Variants in INTU observed in about 807,000 individuals in gnomAD.
The protein encoded by INTU is inturned planar cell polarity protein, also known as protein inturned.
INTU carries 68 observed loss-of-function variants against 100.5 expected under a neutral mutation model. That is an observed-to-expected ratio of 0.68 (90% CI 0.56 to 0.83). INTU has a LOEUF of 0.83. Ranked by LOEUF, INTU falls within the 40% of genes least tolerant of loss-of-function variation. The probability of loss-of-function intolerance (pLI) is 0.00; values close to 1 mark genes in which losing one functional copy is unlikely to be tolerated. For synonymous variants in INTU, 357 were observed against 395.7 expected (o/e 0.90, Z 1.16); for missense variants, 1,071 against 1,114.7 (o/e 0.96, Z 0.56).
chr4:127,708,375 G>T (rs1310405799), intron 12 of INTU, among the ~76,000 whole-genome samples, 196 bp from the exon 13 acceptor site: 1 of 152,108 alleles, frequency 6.6e-6, no homozygotes, highest in Non-Finnish European at 1.5e-5. Context: ...ACACCATCAT[G>T]CCCTCCCAGG....
intron 2 of INTU, among the ~76,000 whole-genome samples, chr4:127,649,039 G>A (rs1727712332): frequency 6.6e-6 from 1 of 151,958 alleles, no homozygotes; most frequent in Non-Finnish European, 1.5e-5. Context: ...TGCTTACTCT[G>A]CACTTAACCC....
chr4:127,679,955 G>A (rs943883436), intron 6 of INTU, among the ~76,000 whole-genome samples: 76 of 152,112 alleles, frequency 5.0e-4, no homozygotes, highest in Admixed American at 1.2e-3. Context: ...ACAAACTACC[G>A]TCAGAGAATA....
chr4:127,634,117 A>G (rs752677343), intron 1 of INTU, among the ~76,000 whole-genome samples: 16 of 152,252 alleles, frequency 1.1e-4, no homozygotes, highest in Non-Finnish European at 2.2e-4. Context: ...ACCTATCAGT[A>G]TGTAAAAGAT....
intron 3 of INTU, among the ~76,000 whole-genome samples, chr4:127,659,313 T>C (rs1728370353): frequency 6.6e-6 from 1 of 151,690 alleles, no homozygotes; most frequent in Admixed American, 6.6e-5. Flanking sequence ...GCCAAGAAAC[T>C]TAAAAAATAC....
intron 6 of INTU, among the ~76,000 whole-genome samples, chr4:127,682,532 G>GA (rs1475506485): frequency 6.8e-6 from 1 of 147,018 alleles, no homozygotes; most frequent in East Asian, 2.0e-4. Context: ...ACTCATAGGT[G>GA]GGAATTGAAC....
chr4:127,679,931 G>T (rs966374217), intron 6 of INTU, among the ~76,000 whole-genome samples: 1 of 152,082 alleles, frequency 6.6e-6, no homozygotes, highest in Non-Finnish European at 1.5e-5. Context: ...TATCACCACC[G>T]ATCCCACAGA....
At chr4:127,693,016 A>T (rs942678233) in intron 8 of INTU, among the ~76,000 whole-genome samples, 1 of 152,080 alleles carries the variant, frequency 6.6e-6, no homozygotes. Context: ...GGGTAATGAG[A>T]TGCCTCCAGA....
chr4:127,635,054 A>G (rs1370028309), intron 1 of INTU, among the ~76,000 whole-genome samples: 2 of 152,222 alleles, frequency 1.3e-5, no homozygotes, highest in East Asian at 1.9e-4. Flanking sequence ...ATTGACTCAC[A>G]TAAAGTATCC....
At chr4:127,666,018 A>G (rs1728681326) in intron 4 of INTU, among the ~76,000 whole-genome samples, 1 of 152,156 alleles carries the variant, frequency 6.6e-6, no homozygotes, top group African/African-American at 2.4e-5. Flanking sequence ...TAAGAAGTCT[A>G]CTGTCAGTCT....
intron 2 of INTU, among the ~76,000 whole-genome samples, chr4:127,645,684 C>T (rs1470267655): frequency 6.6e-6 from 1 of 152,070 alleles, no homozygotes; most frequent in Non-Finnish European, 1.5e-5. Flanking sequence ...CCTCAGCCTC[C>T]TGAGTAGTTG....
intron 2 of INTU, among the ~76,000 whole-genome samples, chr4:127,650,939 T>A (rs530695809): frequency 1.3e-5 from 2 of 152,364 alleles, no homozygotes; most frequent in East Asian, 1.9e-4. Flanking sequence ...GGTATCTCAT[T>A]GTGGTTTTGA....
rs752265174 is a variant in INTU, at chr4:127,706,490, CATT to C, written c.1795_1797del (p.Tyr599del). On this transcript the variant is annotated inframe_deletion, in exon 12 of 16. Transcript: ENST00000335251. ...TTTGTAATTTTTTTCCCTATAGAAA[CATT>C]ATATGCTATGTGTACTATTAGAAGC... The C allele has an allele frequency of 6.2e-7, 1 of 1,601,846 alleles. No individual in the cohort carries two copies. The highest frequency in any genetic ancestry group is 1.1e-5 in the South Asian group (1 of 89,170).
At chr4:127,682,175 C>T (rs534539851) in intron 6 of INTU, among the ~76,000 whole-genome samples, 117 of 152,160 alleles carry the variant, frequency 7.7e-4, no homozygotes, top group African/African-American at 2.8e-3. Flanking sequence ...ACTAGTTCAG[C>T]CCTTGTGGAA....
rs749742061 is a variant in INTU at position 127,714,036 on chromosome 4, C to G, written c.2660C>G (p.Pro887Arg). 7 of 1,613,552 alleles carry G rather than the reference C, an allele frequency of 4.3e-6. No homozygotes were observed. Among genetic ancestry groups the G allele is most frequent in the Non-Finnish European group, 5.9e-6 (7 of 1,179,798 alleles). ...KEHGVLFECS[P>R]GNWTDQKKAP... ...CATGGTGTGTTGTTTGAATGTTCAC[C>G]TGGAAACTGGACTGATCAGAAAAAA... The change falls in exon 15 of 16, where the codon CCT becomes CGT. Residue 887 changes from proline to arginine, a missense_variant. Pro to Arg is a moderately radical substitution (Grantham distance 103, BLOSUM62 -2). Transcript: ENST00000335251.
chr4:127,684,237 G>C (rs993211442), intron 6 of INTU, among the ~76,000 whole-genome samples, 172 bp from the exon 7 acceptor site: 2 of 152,048 alleles, frequency 1.3e-5, no homozygotes, highest in African/African-American at 4.8e-5. Flanking sequence ...ACTAAATCTA[G>C]AATAAAGTGA....
chr4:127,701,026 A>G (rs2148726583), intron 9 of INTU, among the ~76,000 whole-genome samples: 1 of 152,278 alleles, frequency 6.6e-6, no homozygotes, highest in Non-Finnish European at 1.5e-5. Flanking sequence ...TAATGGATCT[A>G]GGCAATGGTC....
chr4:127,677,293 C>A (rs982990891), intron 6 of INTU, among the ~76,000 whole-genome samples: 1 of 152,070 alleles, frequency 6.6e-6, no homozygotes, highest in African/African-American at 2.4e-5. Context: ...GGGCAGACTG[C>A]CTCCTCAAGT....
rs1578635987 is a variant in INTU at position 127,708,442 on chromosome 4, C to A, written c.2272-129C>A. ...TAAGCCAAGAGGTACAAGTTAGCAT[C>A]AAAAATATTTAAAGGAAGCATTGCA... On this transcript the variant is annotated intron_variant, in intron 12 of 15. Coordinates refer to ENST00000335251, the MANE Select transcript of INTU (RefSeq NM_015693.4). 1.5e-5 allele frequency: 9 copies of A among 592,944 alleles called. No individual in the cohort carries two copies. The East Asian group carries it at 2.7e-4, about 18-fold the overall frequency. The allele number at this position is 592,944 out of a possible 1,614,324, so 36.7% of individuals were successfully genotyped here. A position where few individuals can be genotyped will look rare whatever the true frequency, so the allele number is the denominator to read the frequency against.
At chr4:127,661,155 T>G (rs181139147) in intron 3 of INTU, among the ~76,000 whole-genome samples, 95 of 152,262 alleles carry the variant, frequency 6.2e-4, no homozygotes, top group African/African-American at 2.1e-3. Context: ...GTGTGTGTTT[T>G]TGTTTGAGTT....
Sources: gnomAD v4.1 joint callset for allele counts (sites outside exome capture counted in the v4.1 genomes callset) on GRCh38, gnomAD v4.1.1 for gene constraint, MANE v1.5 for transcripts, NCBI Gene and HGNC (gene_info 2026-07-23, HGNC 2026-07-21) for gene names.